The following SH3BP4 variants were observed in gnomAD, a reference collection of about 807,000 sequenced individuals.
SH3BP4 encodes the protein SH3 domain-binding protein 4.
In SH3BP4, 33 loss-of-function variants were observed where a neutral mutation model predicts 65.5. The observed-to-expected ratio is 0.50, with a 90% CI of 0.38 to 0.67. The LOEUF is 0.67. Among genes scored for constraint, SH3BP4 ranks in the 30% least tolerant of loss-of-function variants. The pLI, the probability that SH3BP4 is intolerant of heterozygous loss-of-function variation, is 0.00. For synonymous variants in SH3BP4, 552 were observed against 545.5 expected, an observed-to-expected ratio of 1.01 and a Z score of -0.17; for missense variants, 1,134 against 1,261.4, an observed-to-expected ratio of 0.90 and a Z score of 1.53.
chr2:234,982,095 A>C (rs1553561614), intron 1 of SH3BP4, among the ~76,000 whole-genome samples: 1 of 152,178 alleles, frequency 6.6e-6, no homozygotes, highest in African/African-American at 2.4e-5. Flanking sequence ...GGGGTAATGT[A>C]CACTAAAACA....
rs1170595704 is a variant in SH3BP4, at chr2:235,035,174, G to A, written c.118+54G>A. The A allele has an allele frequency of 1.9e-5, 26 of 1,366,096 alleles. No individual in the cohort carries two copies. The highest frequency in any genetic ancestry group is 6.3e-6 in the Non-Finnish European group (6 of 957,078). The allele number at this position is 1,366,096 out of a possible 1,614,324, so 84.6% of individuals were successfully genotyped here. On this transcript the variant is annotated intron_variant, in intron 3 of 5. Coordinates refer to ENST00000392011, the MANE Select transcript of SH3BP4 (RefSeq NM_014521.3). The surrounding 1 kb of genome is among the most constrained non-coding windows in gnomAD (Gnocchi z 5.0). ...TAAGGGAGAACGTTGGGATTTTCAAGTTGGGATCCAAGAACTTTTCTGCTT... is the reference window on the plus strand; with the variant it reads ...TAAGGGAGAACGTTGGGATTTTCAAATTGGGATCCAAGAACTTTTCTGCTT...
intron 4 of SH3BP4, among the ~76,000 whole-genome samples, chr2:235,049,464 T>C (rs1157270329): frequency 6.6e-6 from 1 of 152,092 alleles, no homozygotes; most frequent in Non-Finnish European, 1.5e-5. Context: ...GGACATTGAG[T>C]GACTTCGTGT....
rs1459124448 is a variant in SH3BP4, at chr2:235,043,135, C to T, written c.2366C>T (p.Ala789Val). The change falls in exon 4 of 6, where the codon GCA becomes GTA. Residue 789 changes from alanine (A) to valine (V), a missense_variant. Ala to Val is a moderately conservative substitution (Grantham distance 64). Transcript: ENST00000392011. ...CTGCCGCTCACCTTTTTCTGCCGGGCAGAGCTGGATAGTGAGCCCGAGCGG... is the reference window on the plus strand; with the variant it reads ...CTGCCGCTCACCTTTTTCTGCCGGGTAGAGCTGGATAGTGAGCCCGAGCGG... Reference protein sequence around the residue: ...VNLPLTFFCRAELDSEPERVA... With the variant: ...VNLPLTFFCRVELDSEPERVA... 6.2e-7 allele frequency: 1 copy of T among 1,613,720 alleles called. No homozygotes were observed. Among genetic ancestry groups the T allele is most frequent in the Non-Finnish European group, 8.5e-7 (1 of 1,179,960 alleles).
rs1458120302 is a variant in SH3BP4 at position 235,035,459 on chromosome 2, A to G, written c.118+339A>G. ...GATGAAATATTGAGAACCACTAGAG[A>G]AGAAAAAAGGTAGCTTCGGGGAGAG... On this transcript the variant is annotated intron_variant, in intron 3 of 5. Coordinates refer to ENST00000392011, the MANE Select transcript of SH3BP4 (RefSeq NM_014521.3). The surrounding 1 kb of genome is among the most constrained non-coding windows in gnomAD (Gnocchi z 5.0). Among the ~76,000 whole-genome samples the G allele has an allele frequency of 6.6e-6, 1 of 152,206 alleles. No individual in the cohort carries two copies. Among genetic ancestry groups the G allele is most frequent in the African/African-American group, 2.4e-5 (1 of 41,444 alleles).
rs1361659769 is a variant in SH3BP4, at chr2:235,053,604, C to T, written c.2680C>T (p.Pro894Ser). Residue 894 changes from proline (P) to serine (S), a missense_variant, in exon 6 of 6, where the codon CCT becomes TCT. By Grantham distance (74) the Pro-to-Ser change is moderately conservative. Coordinates refer to ENST00000392011, the MANE Select transcript of SH3BP4 (RefSeq NM_014521.3). ...GVVDSEAMWK[P>S]AYDFLLTWSH... ...CTCCACCTCCCAGGCCATGTGGAAGCCTGCGTATGACTTCTTACTCACCTG... is the reference window on the plus strand; with the variant it reads ...CTCCACCTCCCAGGCCATGTGGAAGTCTGCGTATGACTTCTTACTCACCTG... The T allele has an allele frequency of 6.2e-7, 1 of 1,613,904 alleles. No individual in the cohort carries two copies. The highest frequency in any genetic ancestry group is 8.5e-7 in the Non-Finnish European group (1 of 1,179,932).
At chr2:235,001,539 C>G (rs908342413) in intron 2 of SH3BP4, among the ~76,000 whole-genome samples, 14 of 152,190 alleles carry the variant, frequency 9.2e-5, no homozygotes, top group African/African-American at 3.4e-4. Context: ...ATTTCTTGTG[C>G]TTTTCATTAA....
intron 3 of SH3BP4, among the ~76,000 whole-genome samples, chr2:235,039,373 G>T (rs534775336): frequency 7.9e-4 from 120 of 152,088 alleles, no homozygotes; most frequent in African/African-American, 2.6e-3. Context: ...GGGTCGGGGG[G>T]GCAATTTGAT....
In SH3BP4 at chr2:234,979,526, C is replaced by G. The variant is rs563514063; in HGVS notation, c.-206-15777C>G. ...GATCCACACCTCCTGGTGTTCACAT[C>G]CTGTGAAGTCCCCTCCCTTTGGCGT... On this transcript the variant is annotated intron_variant, in intron 1 of 5. Transcript: ENST00000392011. 21 of 152,358 alleles carry G rather than the reference C, an allele frequency of 1.4e-4. No individual in the cohort carries two copies. In the East Asian group the frequency reaches 4.1e-3, roughly 29 times the overall value. The allele number at this position is 152,358 out of a possible 1,614,324, so 9.4% of individuals were successfully genotyped here.
At chr2:234,972,411 G>A (rs1263780977) in intron 1 of SH3BP4, among the ~76,000 whole-genome samples, 2 of 152,114 alleles carry the variant, frequency 1.3e-5, no homozygotes, top group African/African-American at 4.8e-5. Flanking sequence ...GGGAAGCATG[G>A]TGGCTCATAC....
chr2:235,041,949 G>C lies in SH3BP4; in HGVS notation c.1180G>C (p.Glu394Gln). 1 of 1,613,544 alleles carries C rather than the reference G, an allele frequency of 6.2e-7. No homozygotes were observed. ...GGAGGTGAAAACCTCTATCATCTTG[G>C]AGATGAAAGTGTCAGCCGAGATAAA... ...NLEVKTSIILEMKVSAEIKND... is the reference protein window; with the variant it reads ...NLEVKTSIILQMKVSAEIKND... Residue 394 changes from glutamate (E) to glutamine (Q), a missense_variant, in exon 4 of 6, where the codon GAG becomes CAG. Glu to Gln is a conservative substitution (Grantham distance 29, BLOSUM62 2). Transcript: ENST00000392011. This position sits in a 1 kb window ranked among gnomAD's most constrained non-coding sequence, Gnocchi z 6.0.
chr2:235,053,670 G>T lies in SH3BP4; in HGVS notation c.2746G>T (p.Glu916Ter). ...GGACAGCTACCGGGATGTCATCCAG[G>T]AGCTGCACCTGGGCCTGGACAAGAT... ...IGDSYRDVIQ[E>*]LHLGLDKMKN... The change falls in exon 6 of 6, where the codon GAG becomes TAG. Residue 916 changes from glutamate to a stop codon, truncating the protein, a stop_gained. Coordinates refer to ENST00000392011, the MANE Select transcript of SH3BP4 (RefSeq NM_014521.3). LOFTEE classifies it high-confidence loss of function. 6.2e-7 allele frequency: 1 copy of T among 1,614,162 alleles called. No individual in the cohort carries two copies. Among genetic ancestry groups the T allele is most frequent in the Non-Finnish European group, 8.5e-7 (1 of 1,180,022 alleles).
intron 2 of SH3BP4, among the ~76,000 whole-genome samples, chr2:235,019,931 A>G (rs1452563147): frequency 2.0e-5 from 3 of 151,842 alleles, no homozygotes; most frequent in African/African-American, 7.3e-5. Context: ...TACATGTTCT[A>G]TATGGAAATG....
At chr2:235,025,421 G>A (rs902411955) in intron 2 of SH3BP4, among the ~76,000 whole-genome samples, 2 of 152,136 alleles carry the variant, frequency 1.3e-5, no homozygotes, top group African/African-American at 4.8e-5. Context: ...TTAATGATAA[G>A]CAGCCGAGGG....
chr2:234,991,107 TG>T lies in SH3BP4; in HGVS notation c.-206-4190del, dbSNP rs1333798830. The stretch of plus-strand genomic sequence containing the variant: ...GAGGTACTGGTGATGCATACAAATT[TG>T]GGGGGATGCAATTCCATCTATACCA... On this transcript the variant is annotated intron_variant, in intron 1 of 5. Transcript: ENST00000392011. This position sits in a 1 kb window ranked among gnomAD's most constrained non-coding sequence, Gnocchi z 4.2. Among the ~76,000 whole-genome samples, 1 of 152,134 alleles carries T rather than the reference TG, an allele frequency of 6.6e-6. No individual in the cohort carries two copies. The highest frequency in any genetic ancestry group is 1.9e-4 in the East Asian group (1 of 5,184).
chr2:234,958,502 C>G (rs2106238858), intron 1 of SH3BP4, among the ~76,000 whole-genome samples: 1 of 152,084 alleles, frequency 6.6e-6, no homozygotes, highest in African/African-American at 2.4e-5. Context: ...GGGCTCACTT[C>G]CTTAGAGTTG....
intron 1 of SH3BP4, among the ~76,000 whole-genome samples, chr2:234,972,495 C>G (rs1256255291): frequency 1.3e-5 from 2 of 151,838 alleles, no homozygotes; most frequent in Non-Finnish European, 2.9e-5. Context: ...GAAGCTGAGG[C>G]AGGAGGATCG....
Position 235,053,596 on chromosome 2 carries a change from T to C in SH3BP4, c.2672T>C (p.Met891Thr). ...TTTTACAACTCCACCTCCCAGGCCA[T>C]GTGGAAGCCTGCGTATGACTTCTTA... ...DRNGVVDSEA[M>T]WKPAYDFLLT... The change falls in exon 6 of 6, where the codon ATG (methionine) becomes ACG (threonine). Residue 891 changes from methionine to threonine, a missense_variant. Physicochemically the swap from Met to Thr is moderately conservative, Grantham distance 81. Transcript: ENST00000392011. 19 of 1,613,474 alleles carry C rather than the reference T, an allele frequency of 1.2e-5. No individual in the cohort carries two copies. The highest frequency in any genetic ancestry group is 1.6e-5 in the Non-Finnish European group (19 of 1,179,440).
chr2:235,035,552 T>C lies in SH3BP4; in HGVS notation c.118+432T>C, dbSNP rs1346344033. 1.3e-5 allele frequency among the ~76,000 whole-genome samples: 2 copies of C among 152,262 alleles called. No individual in the cohort carries two copies. The highest frequency in any genetic ancestry group is 2.9e-5 in the Non-Finnish European group (2 of 68,048). On this transcript the variant is annotated intron_variant, in intron 3 of 5. Coordinates refer to ENST00000392011, the MANE Select transcript of SH3BP4 (RefSeq NM_014521.3). This position sits in a 1 kb window ranked among gnomAD's most constrained non-coding sequence, Gnocchi z 5.0. Reference sequence around the variant, plus strand: ...GAAGCTTTGCAGGCCGTATACCATCTCTGTCACAACTATTCATTGCTGCCT... The same window carrying C: ...GAAGCTTTGCAGGCCGTATACCATCCCTGTCACAACTATTCATTGCTGCCT...
intron 2 of SH3BP4, among the ~76,000 whole-genome samples, chr2:235,014,530 C>T (rs755003966): frequency 1.3e-5 from 2 of 152,156 alleles, no homozygotes; most frequent in African/African-American, 2.4e-5. Flanking sequence ...GTGTCTTCCC[C>T]GTGGACATCT....
Sources: gnomAD v4.1 joint callset for allele counts (sites outside exome capture counted in the v4.1 genomes callset) on GRCh38, gnomAD v4.1.1 for gene constraint, Gnocchi (gnomAD v3.1) non-coding constraint, MANE v1.5 for transcripts, NCBI Gene and HGNC (gene_info 2026-07-23, HGNC 2026-07-21) for gene names.